CAMTA1: variants seen among roughly 807,000 people sequenced by gnomAD.
CAMTA1 encodes the protein calmodulin-binding transcription activator 1.
CAMTA1 carries 27 observed loss-of-function variants against 170.9 expected under a neutral mutation model. The observed-to-expected ratio is 0.16, with a 90% CI of 0.12 to 0.22. The LOEUF is 0.22. Among genes scored for constraint, CAMTA1 ranks in the 10% least tolerant of loss-of-function variants. The pLI, the probability that CAMTA1 is intolerant of heterozygous loss-of-function variation, is 1.00. For synonymous variants in CAMTA1, 833 were observed against 891.5 expected, an observed-to-expected ratio of 0.93 and a Z score of 1.17; for missense variants, 1,619 against 2,217.2, an observed-to-expected ratio of 0.73 and a Z score of 5.42.
At chr1:7,275,202 C>A (rs961148534) in intron 5 of CAMTA1, among the ~76,000 whole-genome samples, 2 of 140,470 alleles carry the variant, frequency 1.4e-5, no homozygotes, top group South Asian at 2.3e-4. Flanking sequence ...AAAATTAAAA[C>A]CCCACATAGA....
intron 6 of CAMTA1, among the ~76,000 whole-genome samples, chr1:7,639,501 G>A (rs1190904234): frequency 2.0e-5 from 3 of 152,154 alleles, no homozygotes; most frequent in South Asian, 4.1e-4. Flanking sequence ...AGCTGGGTGC[G>A]GTGGCTCACG....
intron 4 of CAMTA1, among the ~76,000 whole-genome samples, chr1:7,190,397 C>T (rs569719049): frequency 2.0e-5 from 3 of 152,100 alleles, no homozygotes; most frequent in African/African-American, 7.2e-5. Context: ...GTGTATTACA[C>T]GTAGCATATA....
chr1:7,310,599 CTTT>C (rs111877235), intron 5 of CAMTA1, among the ~76,000 whole-genome samples: 1 of 99,814 alleles, frequency 1.0e-5, no homozygotes. Context: ...CTTTTCTTTT[CTTT>C]TCTTTCTTTC....
chr1:6,920,864 C>T (rs778087427), intron 3 of CAMTA1, among the ~76,000 whole-genome samples: 6 of 152,172 alleles, frequency 3.9e-5, no homozygotes, highest in South Asian at 4.1e-4. Flanking sequence ...GCACACTGCA[C>T]GGGAACCCTG....
chr1:7,051,374 G>A (rs150329851), intron 3 of CAMTA1, among the ~76,000 whole-genome samples: 2,147 of 152,274 alleles, frequency 0.014, 27 homozygotes, highest in Non-Finnish European at 0.022. Flanking sequence ...ATTACCTACC[G>A]CTACTGCAGA....
chr1:6,832,259 G>A (rs1352309689), intron 3 of CAMTA1, among the ~76,000 whole-genome samples: 1 of 151,916 alleles, frequency 6.6e-6, no homozygotes, highest in African/African-American at 2.4e-5. Context: ...CTAATTTTTT[G>A]TAGAGACAGG....
intron 5 of CAMTA1, among the ~76,000 whole-genome samples, chr1:7,323,117 C>CT (rs991154945): frequency 1.3e-5 from 2 of 148,208 alleles, no homozygotes; most frequent in Non-Finnish European, 1.5e-5. Context: ...TTTTTTACTC[C>CT]TTTTTTTAAA....
At chr1:6,904,244 C>T (rs1187521861) in intron 3 of CAMTA1, among the ~76,000 whole-genome samples, 1 of 152,210 alleles carries the variant, frequency 6.6e-6, no homozygotes, top group Non-Finnish European at 1.5e-5. Context: ...GGCCTCTTTT[C>T]AGCCCTCATC....
At chr1:7,049,577 C>T (rs1474811096) in intron 3 of CAMTA1, among the ~76,000 whole-genome samples, 1 of 152,094 alleles carries the variant, frequency 6.6e-6, no homozygotes, top group African/African-American at 2.4e-5. Flanking sequence ...CTGACTCAGC[C>T]TCCTGAGTAG....
At chr1:7,523,986 A>G (rs1267327729) in intron 6 of CAMTA1, among the ~76,000 whole-genome samples, 1 of 152,162 alleles carries the variant, frequency 6.6e-6, no homozygotes, top group East Asian at 1.9e-4. Context: ...GTGGATCACA[A>G]GGTCAGGAGT....
intron 4 of CAMTA1, among the ~76,000 whole-genome samples, chr1:7,149,843 G>T (rs1008975281): frequency 6.6e-6 from 1 of 152,242 alleles, no homozygotes; most frequent in African/African-American, 2.4e-5. Context: ...GAAGACAAAT[G>T]TGTGCCTGTG....
At position 7,641,316 on chromosome 1, in the gene CAMTA1, G is replaced by A. The variant is rs570425814; in HGVS notation, c.664+763G>A. Among the ~76,000 whole-genome samples the A allele has an allele frequency of 5.4e-4, 83 of 152,306 alleles. 1 individual carries two copies. The highest frequency in any genetic ancestry group is 1.1e-3 in the Non-Finnish European group (72 of 68,028). On this transcript the variant is annotated intron_variant, in intron 7 of 22. Coordinates refer to ENST00000303635, the MANE Select transcript of CAMTA1 (RefSeq NM_015215.4). This position sits in a 1 kb window ranked among gnomAD's most constrained non-coding sequence, Gnocchi z 4.5. Reference sequence around the variant, plus strand: ...TGGACACGTAGCCCACGGGGTTCAGGGACATTGATGGCCAGGGCTCAGGGC... The same window carrying A: ...TGGACACGTAGCCCACGGGGTTCAGAGACATTGATGGCCAGGGCTCAGGGC...
intron 1 of CAMTA1, among the ~76,000 whole-genome samples, chr1:6,791,745 A>G (rs1265743888): frequency 6.6e-6 from 1 of 152,268 alleles, no homozygotes; most frequent in East Asian, 1.9e-4. Flanking sequence ...TATTTTCCAG[A>G]TAGTGTATAA....
chr1:7,755,821 A>G (rs1245441171), intron 22 of CAMTA1, among the ~76,000 whole-genome samples, 153 bp downstream of exon 22: 1 of 152,180 alleles, frequency 6.6e-6, no homozygotes, highest in East Asian at 1.9e-4. Flanking sequence ...AACCCTAATT[A>G]CTAACACTGC....
At chr1:7,577,207 C>A (rs2095206134) in intron 6 of CAMTA1, among the ~76,000 whole-genome samples, 1 of 152,194 alleles carries the variant, frequency 6.6e-6, no homozygotes, top group Non-Finnish European at 1.5e-5. Context: ...TTCCTCAGAT[C>A]CCTGTCACCT....
At chr1:7,524,905 G>A (rs933678126) in intron 6 of CAMTA1, among the ~76,000 whole-genome samples, 3 of 151,940 alleles carry the variant, frequency 2.0e-5, no homozygotes, top group African/African-American at 4.8e-5. Flanking sequence ...CCATGTTCCC[G>A]GCCCCTCAGG....
chr1:7,695,709 G>A (rs1482782461), intron 11 of CAMTA1, among the ~76,000 whole-genome samples: 1 of 152,138 alleles, frequency 6.6e-6, no homozygotes, highest in African/African-American at 2.4e-5. Flanking sequence ...AGTGACCCAG[G>A]GTGCCAAAGA....
intron 4 of CAMTA1, among the ~76,000 whole-genome samples, chr1:7,239,681 CA>C (rs1352947035): frequency 3.8e-5 from 5 of 131,372 alleles, no homozygotes; most frequent in African/African-American, 1.4e-4. Flanking sequence ...GTACTTCCAT[CA>C]GGGGATGTCT....
At chr1:6,877,652 A>G (rs1257926922) in intron 3 of CAMTA1, among the ~76,000 whole-genome samples, 1 of 152,192 alleles carries the variant, frequency 6.6e-6, no homozygotes, top group Admixed American at 6.5e-5. Context: ...ACACATCTTC[A>G]GGTGGGGTCG....
Sources: gnomAD v4.1 joint callset for allele counts (sites outside exome capture counted in the v4.1 genomes callset) on GRCh38, gnomAD v4.1.1 for gene constraint, Gnocchi (gnomAD v3.1) non-coding constraint, MANE v1.5 for transcripts, NCBI Gene and HGNC (gene_info 2026-07-23, HGNC 2026-07-21) for gene names.